The following TBC1D12 variants were observed in gnomAD, a reference collection of about 807,000 sequenced individuals.
The protein encoded by TBC1D12 is TBC1 domain family member 12, also known as TBC1 domain family, member 12.
A neutral mutation model predicts 86.7 loss-of-function variants in TBC1D12; 56 were observed. That is an observed-to-expected ratio of 0.65 (90% confidence interval 0.52 to 0.81). The LOEUF (loss-of-function observed/expected upper bound fraction) is 0.81, where lower values mean the gene tolerates loss of function less well. TBC1D12 is among the 30% of genes least tolerant of loss of function. The probability of loss-of-function intolerance (pLI) is 0.00; values close to 1 mark genes in which losing one functional copy is unlikely to be tolerated. For synonymous variants in TBC1D12, 421 were observed against 411.7 expected, an observed-to-expected ratio of 1.02 and a Z score of -0.27; for missense variants, 1,023 against 1,038.8, an observed-to-expected ratio of 0.98 and a Z score of 0.21.
At chr10:94,518,850 G>A (rs921696026) in intron 9 of TBC1D12, among the ~76,000 whole-genome samples, 10 of 152,080 alleles carry the variant, frequency 6.6e-5, no homozygotes, top group Non-Finnish European at 1.3e-4. Flanking sequence ...CAAGGCAGGC[G>A]GATCACCTGA....
intron 2 of TBC1D12, among the ~76,000 whole-genome samples, chr10:94,469,721 A>G (rs959426841): frequency 1.3e-5 from 2 of 152,082 alleles, no homozygotes; most frequent in African/African-American, 4.8e-5. Context: ...AAGTGATGGG[A>G]TTACAGGTGT....
intron 7 of TBC1D12, 130 bp downstream of exon 7, chr10:94,507,477 G>A: frequency 3.6e-6 from 3 of 823,530 alleles, no homozygotes; most frequent in Middle Eastern, 2.8e-4. Flanking sequence ...AACAAGGCTA[G>A]AAAAAAGACT....
chr10:94,411,851 G>T (rs534330048), intron 1 of TBC1D12, among the ~76,000 whole-genome samples: 1 of 152,176 alleles, frequency 6.6e-6, no homozygotes. Flanking sequence ...ACAGTTACTC[G>T]GGAGGCTGAA....
chr10:94,435,346 C>T (rs555978334), intron 1 of TBC1D12, among the ~76,000 whole-genome samples: 1 of 152,256 alleles, frequency 6.6e-6, no homozygotes, highest in Admixed American at 6.5e-5. Context: ...CAGTGTTCTT[C>T]CCCTTCTAAA....
intron 3 of TBC1D12, among the ~76,000 whole-genome samples, chr10:94,486,571 A>G (rs2056165716): frequency 6.6e-6 from 1 of 152,066 alleles, no homozygotes; most frequent in Non-Finnish European, 1.5e-5. Flanking sequence ...CTGGTCATTC[A>G]GGAGGATATT....
chr10:94,475,711 C>T (rs1361260485), intron 3 of TBC1D12, among the ~76,000 whole-genome samples: 3 of 152,230 alleles, frequency 2.0e-5, no homozygotes, highest in African/African-American at 7.2e-5. Context: ...GCTGGGATTA[C>T]AGGTGTTAGC....
At chr10:94,461,758 G>A (rs2055733508) in intron 2 of TBC1D12, among the ~76,000 whole-genome samples, 1 of 152,168 alleles carries the variant, frequency 6.6e-6, no homozygotes, top group South Asian at 2.1e-4. Flanking sequence ...TTTCTGCTCT[G>A]CTAAGTTGTG....
chr10:94,510,668 T>TAAA (rs1164968049), intron 8 of TBC1D12, among the ~76,000 whole-genome samples: 1 of 152,186 alleles, frequency 6.6e-6, no homozygotes, highest in African/African-American at 2.4e-5. Context: ...TGTCTTTATT[T>TAAA]TTATTTCTTT....
rs558794018 is a variant in TBC1D12, at chr10:94,488,254, G to A, written c.1212-5111G>A. Among the ~76,000 whole-genome samples, 203 of 151,690 alleles carry A rather than the reference G, an allele frequency of 1.3e-3. 8 individuals are homozygous for A. The South Asian group carries it at 0.041, about 30-fold the overall frequency. ...AATACAAAAATTAGCCGGGTATGGTGGCACGTGCCTGTAATCTCAGCTACT... is the reference window on the plus strand; with the variant it reads ...AATACAAAAATTAGCCGGGTATGGTAGCACGTGCCTGTAATCTCAGCTACT... On this transcript the variant is annotated intron_variant, in intron 3 of 12. Coordinates refer to ENST00000225235, the MANE Select transcript of TBC1D12 (RefSeq NM_015188.2).
intron 9 of TBC1D12, among the ~76,000 whole-genome samples, chr10:94,519,007 G>A (rs994909669): frequency 6.6e-6 from 1 of 152,178 alleles, no homozygotes; most frequent in African/African-American, 2.4e-5. Context: ...CCTGGGAGGG[G>A]AAGGTTGCGG....
chr10:94,439,184 A>G (rs891006815), intron 1 of TBC1D12, among the ~76,000 whole-genome samples: 1 of 152,126 alleles, frequency 6.6e-6, no homozygotes, highest in East Asian at 1.9e-4. Flanking sequence ...TTTTGCATCC[A>G]TGATGTCTTT....
In TBC1D12 at chr10:94,522,345, T is replaced by G; in HGVS notation, c.1892T>G (p.Met631Arg). The G allele has an allele frequency of 7.4e-7, 1 of 1,355,228 alleles. No individual in the cohort carries two copies. The highest frequency in any genetic ancestry group is 1.0e-6 in the Non-Finnish European group (1 of 988,110). 84.0% of individuals were successfully genotyped at this position (1,355,228 alleles called of 1,614,324 possible). A position where few individuals can be genotyped will look rare whatever the true frequency, so the allele number is the denominator to read the frequency against. The part of the protein sequence containing the change: ...LAFFRVDHSM[M>R]LKYFATFEVF... ...TTTTATTGATTTTTTAATCTTTAGA[T>G]GTTGAAATATTTTGCAACATTTGAA... Residue 631 changes from methionine (M) to arginine (R), a missense_variant and splice_region_variant, in exon 11 of 13, where the codon ATG becomes AGG. Physicochemically the swap from Met to Arg is moderately conservative, Grantham distance 91. Transcript: ENST00000225235.
Position 94,522,593 on chromosome 10 carries a change from A to C in TBC1D12, c.2000+140A>C, listed in dbSNP as rs992551911. ...TCTTTTACAAATTTAGAAACTTCCA[A>C]ATTTTTGTGGGGACGCATTTGATTA... On this transcript the variant is annotated intron_variant, in intron 11 of 12. Transcript: ENST00000225235. The C allele has an allele frequency of 1.1e-5, 5 of 435,686 alleles. No individual in the cohort carries two copies. The Admixed American group carries it at 1.4e-4, about 12-fold the overall frequency. 27.0% of individuals were successfully genotyped at this position (435,686 alleles called of 1,614,324 possible). A position where few individuals can be genotyped will look rare whatever the true frequency, so the allele number is the denominator to read the frequency against.
chr10:94,430,366 G>A (rs188477925), intron 1 of TBC1D12, among the ~76,000 whole-genome samples: 12 of 152,260 alleles, frequency 7.9e-5, no homozygotes, highest in Non-Finnish European at 8.8e-5. Flanking sequence ...ATTTTCTATA[G>A]TGTCAAATTC....
chr10:94,521,836 A>G, intron 9 of TBC1D12, 119 bp from the exon 10 acceptor site: 2 of 918,640 alleles, frequency 2.2e-6, no homozygotes, highest in Non-Finnish European at 1.5e-6. Context: ...GAAGGAAAAA[A>G]GAAATCTTGG....
intron 5 of TBC1D12, among the ~76,000 whole-genome samples, chr10:94,497,686 A>AT (rs11352922): frequency 4.5e-4 from 65 of 142,924 alleles, no homozygotes; most frequent in Admixed American, 5.6e-4. Flanking sequence ...CGCCTGGCTA[A>AT]TTTTTTTTTT....
At chr10:94,504,192 G>A (rs964699129) in intron 6 of TBC1D12, among the ~76,000 whole-genome samples, 2 of 152,104 alleles carry the variant, frequency 1.3e-5, no homozygotes, top group African/African-American at 2.4e-5. Flanking sequence ...TTGCAAACAG[G>A]TAATGAGGTA....
At chr10:94,453,856 A>G (rs2055588237) in intron 2 of TBC1D12, among the ~76,000 whole-genome samples, 1 of 152,066 alleles carries the variant, frequency 6.6e-6, no homozygotes, top group Non-Finnish European at 1.5e-5. Context: ...TTCCAGTACC[A>G]TTTGTTGAAA....
intron 2 of TBC1D12, among the ~76,000 whole-genome samples, chr10:94,461,993 G>A (rs529473908): frequency 1.3e-5 from 2 of 152,256 alleles, no homozygotes; most frequent in Admixed American, 6.5e-5. Flanking sequence ...ACCTGTCCTG[G>A]AATGGCAATT....
Sources: gnomAD v4.1 joint callset for allele counts (sites outside exome capture counted in the v4.1 genomes callset) on GRCh38, gnomAD v4.1.1 for gene constraint, MANE v1.5 for transcripts, NCBI Gene and HGNC (gene_info 2026-07-23, HGNC 2026-07-21) for gene names.